The following CNTNAP2 variants were observed in gnomAD, a reference collection of about 807,000 sequenced individuals.
CNTNAP2 encodes contactin associated protein 2.
In CNTNAP2, 98 loss-of-function variants were observed where a neutral mutation model predicts 155.2. The ratio of observed to expected loss-of-function variants is 0.63; its 90% confidence interval spans 0.54 to 0.75. The LOEUF is 0.75. Ranked by LOEUF, CNTNAP2 falls within the 30% of genes least tolerant of loss-of-function variation. The pLI is 0.00. For missense variants in CNTNAP2, 1,727 were observed against 1,688.1 expected (o/e 1.02, Z -0.40); for synonymous variants, 651 against 631.2 (o/e 1.03, Z -0.47).
At chr7:148,079,991 G>C (rs1376134689) in intron 15 of CNTNAP2, among the ~76,000 whole-genome samples, 2 of 152,164 alleles carry the variant, frequency 1.3e-5, no homozygotes, top group Admixed American at 1.3e-4. Context: ...GAAGTAACCT[G>C]TATCACTGTT....
intron 13 of CNTNAP2, among the ~76,000 whole-genome samples, chr7:147,871,654 C>T (rs1360274935): frequency 1.5e-5 from 2 of 135,370 alleles, no homozygotes; most frequent in Admixed American, 7.4e-5. Context: ...CTTCTCCATT[C>T]CTTTCTCTTT....
intron 1 of CNTNAP2, among the ~76,000 whole-genome samples, chr7:146,477,014 A>G (rs1346060109): frequency 6.6e-6 from 1 of 152,190 alleles, no homozygotes; most frequent in Non-Finnish European, 1.5e-5. Flanking sequence ...TGCATGAACT[A>G]TTTGTTTTCC....
At chr7:146,500,675 G>A (rs1342237487) in intron 1 of CNTNAP2, among the ~76,000 whole-genome samples, 4 of 152,078 alleles carry the variant, frequency 2.6e-5, no homozygotes, top group African/African-American at 9.7e-5. Context: ...TCAAAGGGAT[G>A]GCTTTGTTTC....
chr7:146,462,732 G>A (rs974159834), intron 1 of CNTNAP2, among the ~76,000 whole-genome samples: 3 of 152,088 alleles, frequency 2.0e-5, no homozygotes, highest in Admixed American at 6.6e-5. Flanking sequence ...TGAGGCCCAC[G>A]CAGAGTTCTT....
intron 1 of CNTNAP2, among the ~76,000 whole-genome samples, chr7:146,455,797 A>G (rs1167753807): frequency 6.6e-6 from 1 of 152,222 alleles, no homozygotes; most frequent in Non-Finnish European, 1.5e-5. Flanking sequence ...TGTAAACTCA[A>G]TACTGAAGAA....
At chr7:147,607,734 C>T (rs1487643931) in intron 12 of CNTNAP2, among the ~76,000 whole-genome samples, 1 of 152,124 alleles carries the variant, frequency 6.6e-6, no homozygotes, top group African/African-American at 2.4e-5. Flanking sequence ...TGCATCAAAG[C>T]TTTTCAGGTA....
intron 1 of CNTNAP2, among the ~76,000 whole-genome samples, chr7:146,744,108 A>G (rs1801767469): frequency 6.6e-6 from 1 of 151,592 alleles, no homozygotes; most frequent in African/African-American, 2.4e-5. Flanking sequence ...CGTCCCTGTA[A>G]TCCCAGCTAA....
rs200784164 is a variant in CNTNAP2, at chr7:147,485,962, T to C, written c.1698T>C (p.Gly566=). The part of the protein sequence containing the change: ...DRCVPNHCEH[G]GKCSQTWDSF... The stretch of plus-strand genomic sequence containing the variant: ...GTGTGCCCAATCACTGTGAGCATGG[T>C]GGAAAGTGCTCGCAAACATGGGACA... The change falls in exon 11 of 24, where the codon GGT becomes GGC. Residue 566 remains glycine (G), a synonymous_variant. Transcript: ENST00000361727. 5.6e-6 allele frequency: 9 copies of C among 1,614,066 alleles called. No individual in the cohort carries two copies. In the African/African-American group the frequency reaches 1.1e-4, roughly 19 times the overall value.
chr7:146,486,604 A>G (rs1797062306), intron 1 of CNTNAP2, among the ~76,000 whole-genome samples: 1 of 152,122 alleles, frequency 6.6e-6, no homozygotes, highest in Non-Finnish European at 1.5e-5. Context: ...CCATCAGGCT[A>G]TTGGCCAGTC....
intron 18 of CNTNAP2, chr7:148,190,343 A>G (rs1332270002): frequency 6.6e-6 from 1 of 152,250 alleles, no homozygotes; most frequent in African/African-American, 2.4e-5. Context: ...TGATTCACAG[A>G]AACCATTAGA....
chr7:146,730,738 T>G (rs1801511045), intron 1 of CNTNAP2, among the ~76,000 whole-genome samples: 1 of 152,190 alleles, frequency 6.6e-6, no homozygotes, highest in Non-Finnish European at 1.5e-5. Flanking sequence ...ACTATCTGTT[T>G]CATTGACTTA....
chr7:146,907,659 A>T (rs945455737), intron 3 of CNTNAP2, among the ~76,000 whole-genome samples: 38 of 150,906 alleles, frequency 2.5e-4, no homozygotes, highest in African/African-American at 9.3e-4. Context: ...AGCGCTAAAC[A>T]TGGAAAGGAA....
intron 8 of CNTNAP2, among the ~76,000 whole-genome samples, chr7:147,221,995 C>T (rs1262398603): frequency 6.6e-6 from 1 of 152,200 alleles, no homozygotes; most frequent in African/African-American, 2.4e-5. Context: ...GTGTCACCCA[C>T]CCCCTCTCTG....
At chr7:146,566,681 A>C (rs923340092) in intron 1 of CNTNAP2, among the ~76,000 whole-genome samples, 35 of 151,892 alleles carry the variant, frequency 2.3e-4, no homozygotes, top group African/African-American at 8.5e-4. Context: ...TGGGCGACAG[A>C]GCAAGACTCC....
intron 11 of CNTNAP2, among the ~76,000 whole-genome samples, chr7:147,524,643 A>G (rs543026288): frequency 1.3e-5 from 2 of 152,284 alleles, no homozygotes; most frequent in East Asian, 3.9e-4. Context: ...CAACATGCAT[A>G]CTCTGTGCAG....
At chr7:147,827,128 C>T (rs969237327) in intron 13 of CNTNAP2, among the ~76,000 whole-genome samples, 1 of 151,956 alleles carries the variant, frequency 6.6e-6, no homozygotes, top group Non-Finnish European at 1.5e-5. Context: ...GATGGGGTTT[C>T]GCCATTCACA....
chr7:147,995,419 G>A (rs1224460672), intron 15 of CNTNAP2, among the ~76,000 whole-genome samples: 2 of 151,920 alleles, frequency 1.3e-5, no homozygotes, highest in Admixed American at 1.3e-4. Context: ...GAAGTATTAA[G>A]AAGATGTGGG....
At chr7:146,694,134 G>A (rs942170890) in intron 1 of CNTNAP2, among the ~76,000 whole-genome samples, 1 of 152,094 alleles carries the variant, frequency 6.6e-6, no homozygotes, top group African/African-American at 2.4e-5. Context: ...AAATAAGAAA[G>A]GTAAGTGATG....
rs551586115 is a variant in CNTNAP2 at position 148,371,219 on chromosome 7, G to A, written c.3476-12430G>A. Among the ~76,000 whole-genome samples the A allele has an allele frequency of 4.6e-5, 7 of 152,214 alleles. No homozygotes were observed. In the South Asian group the frequency reaches 1.2e-3, roughly 27 times the overall value. ...AAACAAAACTGGAAAAAAAAATCCAGTTTTCTTCTATCAGCCCCATTGTCC... is the reference window on the plus strand; with the variant it reads ...AAACAAAACTGGAAAAAAAAATCCAATTTTCTTCTATCAGCCCCATTGTCC... On this transcript the variant is annotated intron_variant, in intron 21 of 23. Coordinates refer to ENST00000361727, the MANE Select transcript of CNTNAP2 (RefSeq NM_014141.6).
Sources: allele counts gnomAD v4.1 joint callset (sites outside exome capture counted in the v4.1 genomes callset), GRCh38; gene constraint gnomAD v4.1.1; transcripts MANE v1.5; gene names NCBI Gene and HGNC (gene_info 2026-07-23, HGNC 2026-07-21).